CREB3L2: variants seen among roughly 807,000 people sequenced by gnomAD.
CREB3L2 encodes cyclic AMP-responsive element-binding protein 3-like protein 2.
Under a neutral mutation model 57.2 loss-of-function variants are expected in CREB3L2, and 23 were observed. The ratio of observed to expected loss-of-function variants is 0.40; its 90% confidence interval spans 0.29 to 0.57. CREB3L2 has a LOEUF of 0.57. Among genes scored for constraint, CREB3L2 ranks in the 20% least tolerant of loss-of-function variants. CREB3L2 has a pLI of 0.42. For missense variants in CREB3L2, 628 were observed against 634.7 expected (o/e 0.99, Z 0.11); for synonymous variants, 268 against 265.1 (o/e 1.01, Z -0.11).
intron 1 of CREB3L2, among the ~76,000 whole-genome samples, chr7:137,958,918 C>G (rs1801268189): frequency 6.6e-6 from 1 of 152,188 alleles, no homozygotes; most frequent in Admixed American, 6.5e-5. Flanking sequence ...GATCTGTCTG[C>G]AACACAAGGG....
intron 1 of CREB3L2, chr7:137,935,934 A>C: frequency 1.6e-5 from 15 of 961,878 alleles, no homozygotes; most frequent in Non-Finnish European, 1.9e-5. Context: ...AGTAGCTTGC[A>C]AGGAAGGAGT....
chr7:137,883,643 CCTCT>C (rs1053560657), intron 10 of CREB3L2, among the ~76,000 whole-genome samples: 14 of 152,054 alleles, frequency 9.2e-5, no homozygotes, highest in South Asian at 6.3e-4. Context: ...ATGAATGTGG[CCTCT>C]CTCTCTCAAA....
intron 8 of CREB3L2, among the ~76,000 whole-genome samples, chr7:137,892,346 T>TAA (rs1245158167): frequency 8.3e-5 from 11 of 133,148 alleles, no homozygotes; most frequent in Middle Eastern, 3.5e-3. Context: ...ATGCACACAA[T>TAA]TAAAAAAAAA....
chr7:137,911,593 T>C (rs936271203), intron 4 of CREB3L2, among the ~76,000 whole-genome samples: 2 of 152,236 alleles, frequency 1.3e-5, no homozygotes, highest in African/African-American at 4.8e-5. Context: ...ATCCTAACAC[T>C]TTGGGAGGCC....
intron 4 of CREB3L2, among the ~76,000 whole-genome samples, chr7:137,909,698 G>A (rs1463466019): frequency 1.3e-5 from 2 of 152,154 alleles, no homozygotes; most frequent in African/African-American, 4.8e-5. Context: ...ACTATGGATG[G>A]GAAGGGCTCT....
intron 1 of CREB3L2, among the ~76,000 whole-genome samples, chr7:137,951,453 C>T (rs1422893890): frequency 1.3e-5 from 2 of 152,070 alleles, no homozygotes; most frequent in African/African-American, 4.8e-5. Context: ...ATCAGACACC[C>T]GCAAGAACCT....
At chr7:137,999,707 A>G (rs1802045637) in intron 1 of CREB3L2, 1 of 152,174 alleles carries the variant, frequency 6.6e-6, no homozygotes, top group East Asian at 1.9e-4. Flanking sequence ...CTGCTAAACC[A>G]ATACCTCTTT....
chr7:137,912,274 G>A (rs561906990), intron 4 of CREB3L2, among the ~76,000 whole-genome samples: 67 of 151,986 alleles, frequency 4.4e-4, no homozygotes, highest in East Asian at 7.8e-4. Context: ...CTTCTCAGGA[G>A]GCTGAGGCAC....
At chr7:137,925,018 A>G (rs1024737713) in intron 2 of CREB3L2, among the ~76,000 whole-genome samples, 3 of 152,230 alleles carry the variant, frequency 2.0e-5, no homozygotes, top group Admixed American at 6.5e-5. Flanking sequence ...ATACAGTTTT[A>G]GGGGTCCACA....
At chr7:137,907,648 T>C (rs187057547) in intron 5 of CREB3L2, among the ~76,000 whole-genome samples, 179 of 152,344 alleles carry the variant, frequency 1.2e-3, no homozygotes, top group African/African-American at 4.1e-3. Flanking sequence ...TAAAATTTCA[T>C]AGAAATCAAT....
At chr7:137,889,158 T>C (rs565158098) in intron 8 of CREB3L2, among the ~76,000 whole-genome samples, 10 of 152,028 alleles carry the variant, frequency 6.6e-5, no homozygotes, top group Non-Finnish European at 1.3e-4. Context: ...CTCTGGGCCC[T>C]GTACCCCTTC....
chr7:137,938,543 A>G (rs1352893868), intron 1 of CREB3L2, among the ~76,000 whole-genome samples: 2 of 151,808 alleles, frequency 1.3e-5, no homozygotes, highest in Non-Finnish European at 2.9e-5. Context: ...ACGGGGTTTC[A>G]CCATGTTGGT....
chr7:137,947,665 G>A (rs1231438404), intron 1 of CREB3L2, among the ~76,000 whole-genome samples: 1 of 152,172 alleles, frequency 6.6e-6, no homozygotes, highest in Non-Finnish European at 1.5e-5. Context: ...CCTAAGTTTA[G>A]ATAAATCTCT....
chr7:137,968,306 A>G (rs577352941), intron 1 of CREB3L2, among the ~76,000 whole-genome samples: 6 of 151,256 alleles, frequency 4.0e-5, no homozygotes, highest in African/African-American at 1.5e-4. Flanking sequence ...GGTTTGCTGC[A>G]CCCATTAAGT....
chr7:137,882,492 C>T lies in CREB3L2; in HGVS notation c.1407G>A (p.Pro469=), dbSNP rs558679935. The T allele has an allele frequency of 8.9e-5, 143 of 1,614,068 alleles. No individual in the cohort carries two copies. The East Asian group carries it at 1.4e-3, about 15-fold the overall frequency. ...TAATGAAATGGGGAAGATCCACATC[C>T]GGCCTGGACTCCAGCCCTGACACCC... The part of the protein sequence containing the change: ...LLRVSGLESR[P]DVDLPHFIIS... Residue 469 remains proline, a synonymous_variant, in exon 11 of 12, where the codon CCG becomes CCA. Transcript: ENST00000330387.
chr7:137,879,631 GCC>G lies in CREB3L2; in HGVS notation c.*843_*844del, dbSNP rs1563235028. ...GTCTGGAAAGACACGGGATCCCAGA[GCC>G]TAGGGTGCCCTCCTAGCTCTGAAGG... On this transcript the variant is annotated 3_prime_UTR_variant, in exon 12 of 12. Coordinates refer to ENST00000330387, the MANE Select transcript of CREB3L2 (RefSeq NM_194071.4). 1 of 245,450 alleles carries G rather than the reference GCC, an allele frequency of 4.1e-6. No homozygotes were observed. The highest frequency in any genetic ancestry group is 7.9e-6 in the Non-Finnish European group (1 of 125,976). The allele number at this position is 245,450 out of a possible 1,614,324, so 15.2% of individuals were successfully genotyped here. A position where few individuals can be genotyped will look rare whatever the true frequency, so the allele number is the denominator to read the frequency against.
chr7:137,957,417 A>C lies in CREB3L2; in HGVS notation c.103-29051T>G, dbSNP rs1463532866. 2.0e-5 allele frequency among the ~76,000 whole-genome samples: 3 copies of C among 152,230 alleles called. No individual in the cohort carries two copies. In the East Asian group the frequency reaches 5.8e-4, roughly 29 times the overall value. On this transcript the variant is annotated intron_variant, in intron 1 of 11. Coordinates refer to ENST00000330387, the MANE Select transcript of CREB3L2 (RefSeq NM_194071.4). ...ATAACAGAAGGCAAATAAACACTTG[A>C]GAAATCCATTAACATCACAACCTCA...
rs796934033 is a variant in CREB3L2 at position 137,978,720 on chromosome 7, C to A, written c.102+22884G>T. Reference sequence around the variant, plus strand: ...GGTGAATGAGAGGAAGGGGGGCTATCCTGACTAGGGCAGTAGTGACGCAGC... The same window carrying A: ...GGTGAATGAGAGGAAGGGGGGCTATACTGACTAGGGCAGTAGTGACGCAGC... On this transcript the variant is annotated intron_variant, in intron 1 of 11. Transcript: ENST00000330387. Among the ~76,000 whole-genome samples the A allele has an allele frequency of 2.6e-5, 4 of 152,166 alleles. No individual in the cohort carries two copies. The East Asian group carries it at 7.7e-4, about 29-fold the overall frequency.
At chr7:137,928,051 G>A in intron 2 of CREB3L2, 99 bp downstream of exon 2, 2 of 923,810 alleles carry the variant, frequency 2.2e-6, no homozygotes, top group Admixed American at 2.4e-5. Context: ...CACTAATAAG[G>A]GTGCTGACAC....
Sources: allele counts gnomAD v4.1 joint callset (sites outside exome capture counted in the v4.1 genomes callset), GRCh38; gene constraint gnomAD v4.1.1; transcripts MANE v1.5; gene names NCBI Gene and HGNC (gene_info 2026-07-23, HGNC 2026-07-21).